Variants in RYR2 observed in about 807,000 individuals in gnomAD.
The protein encoded by RYR2 is cardiac muscle ryanodine receptor-calcium release channel.
RYR2 carries 227 observed loss-of-function variants against 601.1 expected under a neutral mutation model. The observed-to-expected ratio is 0.38, with a 90% confidence interval of 0.34 to 0.42. RYR2 has a LOEUF of 0.42. RYR2 is among the 10% of genes least tolerant of loss of function. RYR2 has a pLI of 1.00. For synonymous variants in RYR2, 2,223 were observed against 2,175.1 expected (o/e 1.02, Z -0.61); for missense variants, 4,646 against 6,156.5 (o/e 0.75, Z 8.21).
At position 237,240,053 on chromosome 1, in the gene RYR2, G is replaced by A. The variant is rs75545238; in HGVS notation, c.49-30444G>A. Among the ~76,000 whole-genome samples, 658 of 152,324 alleles carry A rather than the reference G, an allele frequency of 4.3e-3. 47 individuals are homozygous for A. In the East Asian group the frequency reaches 0.12, roughly 27 times the overall value. ...AACTGCCATTAGTGCTTAAGCACAAGAGACACATTCGTTTACCATATATAG... is the reference window on the plus strand; with the variant it reads ...AACTGCCATTAGTGCTTAAGCACAAAAGACACATTCGTTTACCATATATAG... On this transcript the variant is annotated intron_variant, in intron 1 of 104. Transcript: ENST00000366574.
intron 62 of RYR2, 61 bp downstream of exon 62, chr1:237,680,638 A>C: frequency 7.4e-7 from 1 of 1,357,952 alleles, no homozygotes; most frequent in Non-Finnish European, 1.0e-6. Context: ...GTTGCAAAGA[A>C]AACCTGAGGA....
intron 8 of RYR2, among the ~76,000 whole-genome samples, chr1:237,384,211 C>T (rs779259098): frequency 2.0e-5 from 3 of 152,190 alleles, no homozygotes. Flanking sequence ...CTGAAATTTT[C>T]ATATGCTTAT....
intron 100 of RYR2, among the ~76,000 whole-genome samples, chr1:237,818,208 C>T (rs1662053163): frequency 6.6e-6 from 1 of 152,176 alleles, no homozygotes; most frequent in African/African-American, 2.4e-5. Flanking sequence ...TTTGCCACCC[C>T]CTGCCCCAGG....
chr1:237,770,502 G>T (rs1205553333), intron 84 of RYR2, among the ~76,000 whole-genome samples: 2 of 152,096 alleles, frequency 1.3e-5, no homozygotes, highest in African/African-American at 2.4e-5. Context: ...AGAACATAAA[G>T]AAAGAAAAAA....
rs764900002 is a variant in RYR2 at position 237,792,258 on chromosome 1, C to A, written c.13717C>A (p.Arg4573Ser). 1.2e-6 allele frequency: 2 copies of A among 1,613,602 alleles called. No homozygotes were observed. The highest frequency in any genetic ancestry group is 8.5e-7 in the Non-Finnish European group (1 of 1,179,786). Residue 4573 changes from arginine to serine, a missense_variant, in exon 94 of 105, where the codon CGT becomes AGT. This residue lies in a region of RYR2 where 364 missense variants were observed against 442.9 expected (regional missense o/e 0.82). Coordinates refer to ENST00000366574, the MANE Select transcript of RYR2 (RefSeq NM_001035.3). Reference protein sequence around the residue: ...ESSGYMEPTLRILAILHTVIS... With the variant: ...ESSGYMEPTLSILAILHTVIS... Reference sequence around the variant, plus strand: ...CAGCGGCTACATGGAGCCCACGTTGCGTATCTTAGCTATTCTGCACACGGT... The same window carrying A: ...CAGCGGCTACATGGAGCCCACGTTGAGTATCTTAGCTATTCTGCACACGGT...
At chr1:237,411,598 G>T (rs1704456814) in intron 10 of RYR2, among the ~76,000 whole-genome samples, 2 of 152,138 alleles carry the variant, frequency 1.3e-5, no homozygotes, top group African/African-American at 4.8e-5. Flanking sequence ...GCTGACATTT[G>T]TTGTGCAAGG....
intron 2 of RYR2, among the ~76,000 whole-genome samples, chr1:237,309,316 A>G (rs963921568): frequency 6.6e-6 from 1 of 151,952 alleles, no homozygotes; most frequent in African/African-American, 2.4e-5. Context: ...GATTAGCTAG[A>G]CACAGAGCAC....
In RYR2 at chr1:237,623,753, T is replaced by C. The variant is rs746414195; in HGVS notation, c.5917-12T>C. On this transcript the variant is annotated splice_polypyrimidine_tract_variant and intron_variant, in intron 38 of 104. Transcript: ENST00000366574. ...CCTCCTTCTTCCTCTTTCTTGTTTTTCAAACTTTCAGATCAATATGCTTCT... is the reference window on the plus strand; with the variant it reads ...CCTCCTTCTTCCTCTTTCTTGTTTTCCAAACTTTCAGATCAATATGCTTCT... 3.8e-6 allele frequency: 6 copies of C among 1,559,226 alleles called. No homozygotes were observed. In the African/African-American group the frequency reaches 5.4e-5, roughly 14 times the overall value.
At chr1:237,240,846 A>C (rs375303489) in intron 1 of RYR2, among the ~76,000 whole-genome samples, 1 of 152,146 alleles carries the variant, frequency 6.6e-6, no homozygotes, top group Non-Finnish European at 1.5e-5. Context: ...GTTGCTTAGG[A>C]TAGAAAAACA....
intron 101 of RYR2, among the ~76,000 whole-genome samples, chr1:237,821,657 A>G (rs1662514916): frequency 6.6e-6 from 1 of 152,012 alleles, no homozygotes; most frequent in Non-Finnish European, 1.5e-5. Flanking sequence ...AGGGAACAAA[A>G]CTGGACGGAA....
At chr1:237,139,948 G>T (rs2148751668) in intron 1 of RYR2, among the ~76,000 whole-genome samples, 1 of 152,370 alleles carries the variant, frequency 6.6e-6, no homozygotes, top group East Asian at 1.9e-4. Flanking sequence ...AACACTCAGT[G>T]ATGTGTAGGC....
chr1:237,573,250 ACACACACG>A (rs1672886369), intron 29 of RYR2, among the ~76,000 whole-genome samples: 1 of 151,584 alleles, frequency 6.6e-6, no homozygotes, highest in Non-Finnish European at 1.5e-5. Flanking sequence ...ACACACACAC[ACACACACG>A]CATACATATG....
chr1:237,570,673 T>C (rs528172014), intron 29 of RYR2, among the ~76,000 whole-genome samples: 2 of 152,242 alleles, frequency 1.3e-5, no homozygotes, highest in East Asian at 3.9e-4. Flanking sequence ...AGTTTCTTAG[T>C]CACATTGGCC....
At chr1:237,646,771 TA>T (rs1421057774) in intron 48 of RYR2, among the ~76,000 whole-genome samples, 3 of 152,198 alleles carry the variant, frequency 2.0e-5, no homozygotes, top group African/African-American at 7.2e-5. Context: ...TCTGAGGCAG[TA>T]ATTGTGGGTG....
At chr1:237,374,820 C>T in intron 7 of RYR2, 25 bp downstream of exon 7, 1 of 1,591,748 alleles carries the variant, frequency 6.3e-7, no homozygotes, top group Non-Finnish European at 8.6e-7. Context: ...CTGCGGGAAG[C>T]CAGGTTCAGA....
At chr1:237,690,451 C>T (rs1686838008) in intron 63 of RYR2, among the ~76,000 whole-genome samples, 1 of 152,152 alleles carries the variant, frequency 6.6e-6, no homozygotes, top group South Asian at 2.1e-4. Flanking sequence ...TTATAGTTTT[C>T]ACATATAAGA....
chr1:237,400,952 T>G (rs1351576048), intron 10 of RYR2, among the ~76,000 whole-genome samples: 2 of 152,154 alleles, frequency 1.3e-5, no homozygotes, highest in Non-Finnish European at 2.9e-5. Flanking sequence ...CAAATCTCCC[T>G]AAAGAAGAGG....
In RYR2 at chr1:237,699,022, C is replaced by A. The variant is rs794728762; in HGVS notation, c.9125C>A (p.Ala3042Glu). The A allele has an allele frequency of 5.4e-6, 8 of 1,482,794 alleles. No individual in the cohort carries two copies. Among genetic ancestry groups the A allele is most frequent in the Non-Finnish European group, 7.4e-6 (8 of 1,082,230 alleles). The allele number at this position is 1,482,794 out of a possible 1,614,324, so 91.9% of individuals were successfully genotyped here. ...CLHILGQTLD[A>E]RTVMKTGLES... Reference sequence around the variant, plus strand: ...CATATTTTGGGTCAGACTTTGGATGCAAGGTAAATGGATACATTTTTACCT... The same window carrying A: ...CATATTTTGGGTCAGACTTTGGATGAAAGGTAAATGGATACATTTTTACCT... The change falls in exon 64 of 105, where the codon GCA becomes GAA. Residue 3042 changes from alanine to glutamate, a missense_variant. This residue lies in a region of RYR2 where 1,497 missense variants were observed against 1,842.6 expected (regional missense o/e 0.81). Transcript: ENST00000366574.
At chr1:237,445,019 T>A (rs1708207750) in intron 13 of RYR2, among the ~76,000 whole-genome samples, 2 of 152,124 alleles carry the variant, frequency 1.3e-5, no homozygotes, top group African/African-American at 2.4e-5. Flanking sequence ...CTGTTTGTTT[T>A]ACTCGACTCA....
Sources: gnomAD v4.1 joint callset for allele counts (sites outside exome capture counted in the v4.1 genomes callset) on GRCh38, gnomAD v4.1.1 for gene constraint, gnomAD v4.1.1 regional missense constraint, MANE v1.5 for transcripts, NCBI Gene and HGNC (gene_info 2026-07-23, HGNC 2026-07-21) for gene names.